Variants in SGCD observed in about 807,000 individuals in gnomAD.
SGCD encodes delta-sarcoglycan.
SGCD carries 18 observed loss-of-function variants against 36.6 expected under a neutral mutation model. The observed-to-expected ratio is 0.49, with a 90% confidence interval of 0.34 to 0.73. SGCD has a LOEUF of 0.73. Among genes scored for constraint, SGCD ranks in the 30% least tolerant of loss-of-function variants. SGCD has a pLI of 0.01. For missense variants in SGCD, 387 were observed against 346.7 expected, an observed-to-expected ratio of 1.12 and a Z score of -0.92; for synonymous variants, 133 against 130.6, an observed-to-expected ratio of 1.02 and a Z score of -0.12.
chr5:156,559,503 T>C (rs553747191), intron 4 of SGCD, among the ~76,000 whole-genome samples: 1 of 152,252 alleles, frequency 6.6e-6, no homozygotes, highest in South Asian at 2.1e-4. Flanking sequence ...GTGACCCAGG[T>C]AAAGTATTTC....
At chr5:156,118,985 T>C (rs1013622935) in intron 2 of SGCD, among the ~76,000 whole-genome samples, 1 of 152,142 alleles carries the variant, frequency 6.6e-6, no homozygotes, top group African/African-American at 2.4e-5. Context: ...CTTTGAGTAT[T>C]ATCACCTGCT....
intron 3 of SGCD, among the ~76,000 whole-genome samples, chr5:156,372,605 C>T (rs1770443978): frequency 6.6e-6 from 1 of 152,082 alleles, no homozygotes; most frequent in South Asian, 2.1e-4. Context: ...ATATATCTTC[C>T]TCCATCAACC....
intron 1 of SGCD, among the ~76,000 whole-genome samples, chr5:156,020,456 G>A (rs1759074067): frequency 6.6e-6 from 1 of 151,868 alleles, no homozygotes; most frequent in Admixed American, 6.6e-5. Flanking sequence ...CACATCATAT[G>A]GGCGCACACT....
chr5:156,314,149 TAAAC>T (rs1767456007), intron 3 of SGCD, among the ~76,000 whole-genome samples: 1 of 151,948 alleles, frequency 6.6e-6, no homozygotes, highest in Non-Finnish European at 1.5e-5. Context: ...TAATGAAACA[TAAAC>T]AAAAGGCCAA....
At chr5:156,244,433 T>C (rs1765390669) in intron 3 of SGCD, among the ~76,000 whole-genome samples, 1 of 152,214 alleles carries the variant, frequency 6.6e-6, no homozygotes, top group African/African-American at 2.4e-5. Flanking sequence ...CTGACTTTAA[T>C]TGATCTTTGC....
chr5:156,110,991 G>C (rs887898404), intron 1 of SGCD, among the ~76,000 whole-genome samples: 1 of 151,764 alleles, frequency 6.6e-6, no homozygotes, highest in South Asian at 2.1e-4. Flanking sequence ...ATTTGAACAC[G>C]AAAAAAATAT....
chr5:156,605,575 G>C (rs1042967757), intron 6 of SGCD, among the ~76,000 whole-genome samples: 1 of 152,140 alleles, frequency 6.6e-6, no homozygotes, highest in African/African-American at 2.4e-5. Context: ...GTAATGGGAT[G>C]GCTGGGTCAA....
intron 3 of SGCD, among the ~76,000 whole-genome samples, chr5:156,366,429 C>T (rs912165457): frequency 3.3e-5 from 5 of 151,942 alleles, no homozygotes; most frequent in African/African-American, 7.3e-5. Context: ...GGGGAAATCA[C>T]CCAGGAAATG....
At chr5:156,388,098 T>C (rs1438656989) in intron 3 of SGCD, among the ~76,000 whole-genome samples, 2 of 152,210 alleles carry the variant, frequency 1.3e-5, no homozygotes, top group African/African-American at 4.8e-5. Context: ...TTTCACATTC[T>C]GAGGTTACAA....
At chr5:156,389,091 T>A (rs898922667) in intron 3 of SGCD, among the ~76,000 whole-genome samples, 6 of 152,210 alleles carry the variant, frequency 3.9e-5, no homozygotes, top group Admixed American at 3.9e-4. Context: ...CTCAAATATT[T>A]GAATAGGCAC....
chr5:156,317,145 A>G (rs1424647728), intron 3 of SGCD, among the ~76,000 whole-genome samples: 2 of 152,120 alleles, frequency 1.3e-5, no homozygotes, highest in African/African-American at 4.8e-5. Flanking sequence ...CCTATTCTGA[A>G]TCTATTTAAA....
chr5:155,882,801 C>A (rs1477408651), intron 1 of SGCD, among the ~76,000 whole-genome samples: 2 of 152,180 alleles, frequency 1.3e-5, no homozygotes, highest in African/African-American at 4.8e-5. Flanking sequence ...CCATTGGCTT[C>A]AACTTGAAGT....
intron 3 of SGCD, among the ~76,000 whole-genome samples, chr5:156,490,487 CAAAA>C (rs57894090): frequency 6.8e-6 from 1 of 147,772 alleles, no homozygotes; most frequent in Admixed American, 6.8e-5. Flanking sequence ...TGTAACATAT[CAAAA>C]AAAAAAAAAT....
the SGCD span, among the ~76,000 whole-genome samples, chr5:155,812,753 C>G: frequency 6.6e-6 from 1 of 152,140 alleles, no homozygotes; most frequent in African/African-American, 2.4e-5. Context: ...CCTGTTTACA[C>G]TCATTATTTG....
chr5:156,755,464 C>T (rs1028238502), intron 7 of SGCD, among the ~76,000 whole-genome samples: 2 of 152,218 alleles, frequency 1.3e-5, no homozygotes, highest in African/African-American at 4.8e-5. Context: ...AAAAAACCAT[C>T]TTCATATCTC....
chr5:155,985,915 A>G (rs1188714825), intron 1 of SGCD, among the ~76,000 whole-genome samples: 2 of 152,164 alleles, frequency 1.3e-5, no homozygotes, highest in African/African-American at 2.4e-5. Context: ...TGTTTGCAGA[A>G]GGCAATAGGT....
intron 2 of SGCD, among the ~76,000 whole-genome samples, chr5:156,330,178 C>G (rs971830689): frequency 1.3e-5 from 2 of 152,148 alleles, no homozygotes; most frequent in African/African-American, 4.8e-5. Context: ...TTTATTGGAA[C>G]GTTTCTGATT....
intron 3 of SGCD, among the ~76,000 whole-genome samples, chr5:156,206,104 A>G (rs1354476196): frequency 6.6e-6 from 1 of 150,978 alleles, no homozygotes; most frequent in Non-Finnish European, 1.5e-5. Context: ...TTTGTACTCA[A>G]AGATCATGCA....
chr5:155,993,930 G>A (rs1758486837), intron 1 of SGCD, among the ~76,000 whole-genome samples: 1 of 152,194 alleles, frequency 6.6e-6, no homozygotes, highest in African/African-American at 2.4e-5. Context: ...CAAGGTTCAA[G>A]GGAAAGAGAC....
Sources: allele counts gnomAD v4.1 joint callset (sites outside exome capture counted in the v4.1 genomes callset), GRCh38; gene constraint gnomAD v4.1.1; transcripts MANE v1.5; gene names NCBI Gene and HGNC (gene_info 2026-07-23, HGNC 2026-07-21).